The following DTNB variants were observed in gnomAD, a reference collection of about 807,000 sequenced individuals.
DTNB encodes the protein dystrobrevin beta, also known as DTN-B.
A neutral mutation model predicts 90.7 loss-of-function variants in DTNB; 63 were observed. The ratio of observed to expected loss-of-function variants is 0.69; its 90% CI spans 0.57 to 0.86. The LOEUF is 0.86. Ranked by LOEUF, DTNB falls within the 40% of genes least tolerant of loss-of-function variation. The pLI, the probability that DTNB is intolerant of heterozygous loss-of-function variation, is 0.00. For missense variants in DTNB, 744 were observed against 807.1 expected (o/e 0.92, Z 0.95); for synonymous variants, 277 against 286.7 (o/e 0.97, Z 0.34).
In DTNB at chr2:25,576,974, C is replaced by A. The variant is rs763939155; in HGVS notation, c.740G>T (p.Arg247Leu). The A allele has an allele frequency of 1.9e-6, 3 of 1,609,964 alleles. No individual in the cohort carries two copies. Among genetic ancestry groups the A allele is most frequent in the East Asian group, 2.2e-5 (1 of 44,762 alleles). The change falls in exon 8 of 21, where the codon CGA becomes CTA. Residue 247 changes from arginine (R) to leucine (L), a missense_variant. Arg to Leu is a moderately radical substitution (Grantham distance 102). Transcript: ENST00000406818. ...CCGGAAACCCATCATACTCTCACAT[C>A]GGCAGTAGGAGCACTCCACGGGATG... is the stretch of plus-strand genomic sequence containing the variant. ...VFHPVECSYCRCESMMGFRYR... is the reference protein window; with the variant it reads ...VFHPVECSYCLCESMMGFRYR...
At chr2:25,594,310 G>GA (rs1181501488) in intron 6 of DTNB, among the ~76,000 whole-genome samples, 3 of 152,274 alleles carry the variant, frequency 2.0e-5, no homozygotes, top group Admixed American at 6.5e-5. Context: ...TATGCTGAAA[G>GA]AAAAAATAAA....
intron 2 of DTNB, among the ~76,000 whole-genome samples, chr2:25,645,982 T>C (rs1357876577): frequency 3.3e-5 from 5 of 151,902 alleles, no homozygotes; most frequent in Non-Finnish European, 7.4e-5. Flanking sequence ...AAGGACAAAA[T>C]TGAAGCACAA....
chr2:25,496,688 C>T (rs1366869494), intron 9 of DTNB, among the ~76,000 whole-genome samples: 1 of 151,932 alleles, frequency 6.6e-6, no homozygotes, highest in Non-Finnish European at 1.5e-5. Context: ...ACTAAAAATA[C>T]AAAAATTAGC....
chr2:25,393,674 A>G (rs1404703117), intron 16 of DTNB, among the ~76,000 whole-genome samples: 2 of 152,178 alleles, frequency 1.3e-5, no homozygotes, highest in African/African-American at 4.8e-5. Context: ...AATACTTAGG[A>G]ATATACCTAA....
At chr2:25,409,526 A>G (rs930063747) in intron 16 of DTNB, among the ~76,000 whole-genome samples, 6 of 152,230 alleles carry the variant, frequency 3.9e-5, no homozygotes, top group Admixed American at 3.3e-4. Context: ...ATCTTTGTTC[A>G]GTGGAGTGAC....
At chr2:25,594,722 A>C (rs1235231253) in intron 6 of DTNB, among the ~76,000 whole-genome samples, 1 of 152,228 alleles carries the variant, frequency 6.6e-6, no homozygotes, top group Non-Finnish European at 1.5e-5. Flanking sequence ...GATTACCAAA[A>C]AATTCCCATT....
intron 10 of DTNB, among the ~76,000 whole-genome samples, chr2:25,469,824 A>G (rs1308800464): frequency 6.6e-6 from 1 of 152,184 alleles, no homozygotes; most frequent in East Asian, 1.9e-4. Context: ...TCATGATTAG[A>G]CAGTGCTTTG....
In DTNB at chr2:25,575,381, T is replaced by C. The variant is rs1387267148; in HGVS notation, c.876+1457A>G. Among the ~76,000 whole-genome samples the C allele has an allele frequency of 2.0e-5, 3 of 152,144 alleles. No individual in the cohort carries two copies. The East Asian group carries it at 5.8e-4, about 29-fold the overall frequency. ...AAAAAGAAAAGAAACTACTGTGTTT[T>C]TTTCCTTTTTTTGGATTTTAAAAGT... is the stretch of plus-strand genomic sequence containing the variant. On this transcript the variant is annotated intron_variant, in intron 8 of 20. Coordinates refer to ENST00000406818, the MANE Select transcript of DTNB (RefSeq NM_021907.5).
intron 8 of DTNB, among the ~76,000 whole-genome samples, chr2:25,556,145 ATGTTTTGG>A: frequency 7.5e-6 from 1 of 132,686 alleles, no homozygotes; most frequent in South Asian, 2.5e-4. Context: ...CTACTAATGG[ATGTTTTGG>A]TGTTTTGGCC....
intron 10 of DTNB, among the ~76,000 whole-genome samples, chr2:25,465,044 G>A (rs2061549266): frequency 6.6e-6 from 1 of 152,122 alleles, no homozygotes; most frequent in Non-Finnish European, 1.5e-5. Context: ...TTTCTTAGTT[G>A]TGACACATGC....
At chr2:25,410,171 C>T (rs1176466350) in intron 16 of DTNB, among the ~76,000 whole-genome samples, 1 of 152,130 alleles carries the variant, frequency 6.6e-6, no homozygotes, top group Non-Finnish European at 1.5e-5. Flanking sequence ...AAGAATTTCT[C>T]CAGTTGGCTG....
intron 8 of DTNB, among the ~76,000 whole-genome samples, chr2:25,549,468 T>C (rs1243427666): frequency 6.6e-6 from 1 of 152,178 alleles, no homozygotes; most frequent in Non-Finnish European, 1.5e-5. Context: ...TCTTACAAGT[T>C]GGAGTTACAT....
chr2:25,400,005 C>T (rs1339579341), intron 16 of DTNB, among the ~76,000 whole-genome samples: 2 of 152,196 alleles, frequency 1.3e-5, no homozygotes, highest in African/African-American at 4.8e-5. Flanking sequence ...CTGCTTCTAA[C>T]TTTCCTTTCT....
rs913786359 is a variant in DTNB at position 25,589,386 on chromosome 2, T to C, written c.603+6700A>G. Among the ~76,000 whole-genome samples, 116 of 121,482 alleles carry C rather than the reference T, an allele frequency of 9.5e-4. 1 individual carries two copies. Among genetic ancestry groups the C allele is most frequent in the Non-Finnish European group, 1.6e-3 (94 of 57,548 alleles). The allele number at this position is 121,482 out of a possible 152,430, so 79.7% of individuals were successfully genotyped here. ...TCTTTTCTTTTTTTTTTTTTTTTTTTTTTTTTTTTTTTGAGATGGAGTCTC... is the reference window on the plus strand; with the variant it reads ...TCTTTTCTTTTTTTTTTTTTTTTTTCTTTTTTTTTTTTGAGATGGAGTCTC... On this transcript the variant is annotated intron_variant, in intron 6 of 20. Transcript: ENST00000406818.
intron 4 of DTNB, among the ~76,000 whole-genome samples, chr2:25,621,939 T>C (rs1432519073): frequency 6.6e-6 from 1 of 152,190 alleles, no homozygotes; most frequent in Non-Finnish European, 1.5e-5. Context: ...CCTAGGCCTT[T>C]AAATGATGTG....
rs2077676741 is a variant in DTNB at position 25,639,066 on chromosome 2, T to C, written c.96A>G (p.Leu32=). ...ATTTGCAGGCTGTTCTGTAAGTTGA[T>C]AGTCGTATGACATCAAAATTCTGAG... The part of the protein sequence containing the change: ...MRAQNFDVIR[L]STYRTACKLR... Residue 32 remains leucine, a synonymous_variant, in exon 3 of 21, where the codon CTA becomes CTG. Transcript: ENST00000406818. The C allele has an allele frequency of 6.3e-6, 10 of 1,591,544 alleles. 1 individual carries two copies. Among genetic ancestry groups the C allele is most frequent in the Admixed American group, 5.2e-5 (3 of 57,722 alleles).
rs189345116 is a variant in DTNB at position 25,578,362 on chromosome 2, C to A, written c.710-1358G>T. Among the ~76,000 whole-genome samples, 4 of 152,210 alleles carry A rather than the reference C, an allele frequency of 2.6e-5. No homozygotes were observed. The South Asian group carries it at 8.3e-4, about 31-fold the overall frequency. On this transcript the variant is annotated intron_variant, in intron 7 of 20. Transcript: ENST00000406818. Reference sequence around the variant, plus strand: ...GAGCATGTGCTCCAAATTAACTATACAACCTAGTATAGTTCCTCCAGAGAA... The same window carrying A: ...GAGCATGTGCTCCAAATTAACTATAAAACCTAGTATAGTTCCTCCAGAGAA...
intron 8 of DTNB, among the ~76,000 whole-genome samples, chr2:25,542,663 G>A (rs577181335): frequency 6.6e-6 from 1 of 152,122 alleles, no homozygotes; most frequent in South Asian, 2.1e-4. Flanking sequence ...TGTTTCCTTT[G>A]TGTAAATATA....
intron 10 of DTNB, among the ~76,000 whole-genome samples, chr2:25,470,370 T>C (rs375910105): frequency 1.3e-3 from 142 of 112,768 alleles, no homozygotes; most frequent in African/African-American, 4.5e-3. Flanking sequence ...TACACGACAA[T>C]TTTTTTTTTT....
Sources: gnomAD v4.1 joint callset for allele counts (sites outside exome capture counted in the v4.1 genomes callset) on GRCh38, gnomAD v4.1.1 for gene constraint, MANE v1.5 for transcripts, NCBI Gene and HGNC (gene_info 2026-07-23, HGNC 2026-07-21) for gene names.